The following DHX29 variants were observed in gnomAD, a reference collection of about 807,000 sequenced individuals.
DHX29 encodes ATP-dependent RNA helicase DHX29.
DHX29 carries 79 observed loss-of-function variants against 167.9 expected under a neutral mutation model. The observed-to-expected ratio is 0.47, with a 90% confidence interval of 0.39 to 0.57. The LOEUF (loss-of-function observed/expected upper bound fraction) is 0.57, where lower values mean the gene tolerates loss of function less well. Ranked by LOEUF, DHX29 falls within the 20% of genes least tolerant of loss-of-function variation. DHX29 has a pLI of 0.00. For synonymous variants in DHX29, 530 were observed against 546.0 expected, an observed-to-expected ratio of 0.97 and a Z score of 0.41; for missense variants, 1,347 against 1,593.4, an observed-to-expected ratio of 0.85 and a Z score of 2.63.
At chr5:55,281,606 G>A in intron 11 of DHX29, 91 bp from the exon 12 acceptor site, 2 of 869,132 alleles carry the variant, frequency 2.3e-6, no homozygotes, top group Non-Finnish European at 3.3e-6. Flanking sequence ...TGATCTTGCT[G>A]TTAAATGGAG....
Position 55,307,517 on chromosome 5 carries a change from G to T in DHX29, c.57C>A (p.Ala19=). 1 of 1,613,604 alleles carries T rather than the reference G, an allele frequency of 6.2e-7. No individual in the cohort carries two copies. Among genetic ancestry groups the T allele is most frequent in the East Asian group, 2.2e-5 (1 of 44,872 alleles). ...KAPAAAVVRA[A]VSASRAKSAE... ...CAGATTTGGCTCTGGAAGCAGACAC[G>T]GCGGCCCGGACCACCGCGGCCGCTG... The change falls in exon 1 of 27, where the codon GCC becomes GCA. Residue 19 remains alanine, a synonymous_variant. Coordinates refer to ENST00000251636, the MANE Select transcript of DHX29 (RefSeq NM_019030.4).
chr5:55,268,576 C>T (rs1746696692), intron 21 of DHX29, among the ~76,000 whole-genome samples: 1 of 152,066 alleles, frequency 6.6e-6, no homozygotes, highest in Admixed American at 6.6e-5. Context: ...AGGGGTGCAC[C>T]ACCATGCCCG....
chr5:55,277,308 G>A, intron 12 of DHX29, 26 bp from the exon 13 acceptor site: 1 of 1,502,382 alleles, frequency 6.7e-7, no homozygotes, highest in African/African-American at 1.4e-5. Flanking sequence ...GAATAAAAAA[G>A]TTCATCATAT....
At chr5:55,278,982 T>C (rs187862439) in intron 12 of DHX29, among the ~76,000 whole-genome samples, 1 of 152,318 alleles carries the variant, frequency 6.6e-6, no homozygotes, top group East Asian at 1.9e-4. Context: ...CAGTGATTAA[T>C]GCATTTTAAA....
At position 55,267,245 on chromosome 5, in the gene DHX29, A is replaced by C. The variant is rs748315559; in HGVS notation, c.3432-14T>G. ...GCTTTCTTCCATCTAGATAAATAAA[A>C]TGTCAATTAATGAATAAAGTTCACC... On this transcript the variant is annotated splice_polypyrimidine_tract_variant and intron_variant, in intron 22 of 26. Coordinates refer to ENST00000251636, the MANE Select transcript of DHX29 (RefSeq NM_019030.4). 6.4e-7 allele frequency: 1 copy of C among 1,574,358 alleles called. No individual in the cohort carries two copies. The highest frequency in any genetic ancestry group is 1.7e-5 in the Admixed American group (1 of 59,170).
rs1373916559 is a variant in DHX29, at chr5:55,259,837, C to G, written c.4057+11G>C. Reference sequence around the variant, plus strand: ...GTGTATATGGTCTTTCACTTATAAGCAAACACTTACTTTCAAGGGACATCT... The same window carrying G: ...GTGTATATGGTCTTTCACTTATAAGGAAACACTTACTTTCAAGGGACATCT... On this transcript the variant is annotated intron_variant, in intron 26 of 26. Coordinates refer to ENST00000251636, the MANE Select transcript of DHX29 (RefSeq NM_019030.4). 3 of 1,487,228 alleles carry G rather than the reference C, an allele frequency of 2.0e-6. No individual in the cohort carries two copies. In the South Asian group the frequency reaches 3.4e-5, roughly 17 times the overall value. The allele number at this position is 1,487,228 out of a possible 1,614,324, so 92.1% of individuals were successfully genotyped here. A position where few individuals can be genotyped will look rare whatever the true frequency, so the allele number is the denominator to read the frequency against.
Position 55,270,599 on chromosome 5 carries a change from A to G in DHX29, c.2972T>C (p.Phe991Ser). 6.2e-7 allele frequency: 1 copy of G among 1,614,200 alleles called. No homozygotes were observed. The highest frequency in any genetic ancestry group is 8.5e-7 in the Non-Finnish European group (1 of 1,180,014). ...ATACCTTTCTCTTGTGTACATTCGG[A>G]AACAGAAGCCATCTCTGACCCGCCC... is the stretch of plus-strand genomic sequence containing the variant. Reference protein sequence around the residue: ...RAGRVRDGFCFRMYTRERFEG... With the variant: ...RAGRVRDGFCSRMYTRERFEG... The change falls in exon 19 of 27, where the codon TTC (phenylalanine) becomes TCC (serine). Residue 991 changes from phenylalanine to serine, a missense_variant. Coordinates refer to ENST00000251636, the MANE Select transcript of DHX29 (RefSeq NM_019030.4).
rs1747912738 is a variant in DHX29 at position 55,289,327 on chromosome 5, T to C, written c.1009A>G (p.Ser337Gly). The C allele has an allele frequency of 1.3e-6, 2 of 1,598,062 alleles. No individual in the cohort carries two copies. Among genetic ancestry groups the C allele is most frequent in the Non-Finnish European group, 1.7e-6 (2 of 1,174,984 alleles). The change falls in exon 8 of 27, where the codon AGT becomes GGT. Residue 337 changes from serine to glycine, a missense_variant. Around this residue, in one of 3 missense-constraint regions of DHX29, gnomAD observed 405 missense variants for 416.8 expected, o/e 0.97. Coordinates refer to ENST00000251636, the MANE Select transcript of DHX29 (RefSeq NM_019030.4). ...KKPPVATEGE[S>G]ALNFNLFEKS... ...TCAAATAAATTAAAATTCAATGCAC[T>C]TTCTCCTTCTGTGGCTACAGGAGGC... is the stretch of plus-strand genomic sequence containing the variant.
chr5:55,273,210 T>G, intron 17 of DHX29, 83 bp downstream of exon 17: 5 of 1,392,996 alleles, frequency 3.6e-6, no homozygotes, highest in Middle Eastern at 1.9e-4. Flanking sequence ...TGTTAACAAC[T>G]GTCTTTGATG....
chr5:55,296,604 G>A (rs1748334680), intron 3 of DHX29, among the ~76,000 whole-genome samples: 1 of 151,868 alleles, frequency 6.6e-6, no homozygotes. Context: ...ATTTTTTTCA[G>A]TCATTTTTCC....
chr5:55,287,170 G>C lies in DHX29; in HGVS notation c.1067-1309C>G, dbSNP rs567948518. 1.7e-4 allele frequency among the ~76,000 whole-genome samples: 26 copies of C among 152,302 alleles called. No individual in the cohort carries two copies. The South Asian group carries it at 5.4e-3, about 32-fold the overall frequency. ...AATAAATACTACTGAGGCCAGGCAT[G>C]GTGGGTCACACCGGTAATCCCAACA... On this transcript the variant is annotated intron_variant, in intron 8 of 26. Transcript: ENST00000251636.
At chr5:55,306,353 G>C (rs1010156050) in intron 1 of DHX29, among the ~76,000 whole-genome samples, 6 of 152,018 alleles carry the variant, frequency 3.9e-5, no homozygotes, top group Non-Finnish European at 8.8e-5. Flanking sequence ...ACTAATTTCT[G>C]CCATGCTTCA....
chr5:55,288,629 A>G (rs1318643332), intron 8 of DHX29, among the ~76,000 whole-genome samples: 2 of 152,146 alleles, frequency 1.3e-5, no homozygotes, highest in African/African-American at 4.8e-5. Flanking sequence ...TGTACTTGCT[A>G]TATCAATAAT....
chr5:55,307,689 C>A lies in DHX29; in HGVS notation c.-116G>T, dbSNP rs1018632464. 13 of 1,370,046 alleles carry A rather than the reference C, an allele frequency of 9.5e-6. No individual in the cohort carries two copies. Among genetic ancestry groups the A allele is most frequent in the Admixed American group, 4.5e-5 (2 of 44,446 alleles). 84.9% of individuals were successfully genotyped at this position (1,370,046 alleles called of 1,614,324 possible). On this transcript the variant is annotated 5_prime_UTR_variant, in exon 1 of 27. Transcript: ENST00000251636. ...CTGCCACCCTGCGCTTCGATCCGGG[C>A]TTCTCGGGCCGGGGCGACCGCTGCC...
chr5:55,274,628 T>C lies in DHX29; in HGVS notation c.2676A>G (p.Arg892=). Residue 892 remains arginine, a synonymous_variant, in exon 16 of 27, where the codon AGA becomes AGG. Transcript: ENST00000251636. Reference sequence around the variant, plus strand: ...TGAGTAGTTACCGTTCAGAATAAAATCTTCTATCATTTGATAGAAGATCAT... The same window carrying C: ...TGAGTAGTTACCGTTCAGAATAAAACCTTCTATCATTTGATAGAAGATCAT... The part of the protein sequence containing the change: ...QLYDLLSNDR[R]FYSERYKVIA... 1 of 1,594,632 alleles carries C rather than the reference T, an allele frequency of 6.3e-7. No homozygotes were observed. The highest frequency in any genetic ancestry group is 1.4e-5 in the African/African-American group (1 of 73,886).
rs1002037974 is a variant in DHX29, at chr5:55,307,133, T to G, written c.187+254A>C. On this transcript the variant is annotated intron_variant, in intron 1 of 26. Transcript: ENST00000251636. The stretch of plus-strand genomic sequence containing the variant: ...ACAGGAGCTAATGCAATTATTTTGT[T>G]TTTAGAAGGGGGAGAAGTGTGAGTT... Among the ~76,000 whole-genome samples, 3 of 152,166 alleles carry G rather than the reference T, an allele frequency of 2.0e-5. No homozygotes were observed. The East Asian group carries it at 5.8e-4, about 29-fold the overall frequency.
intron 18 of DHX29, among the ~76,000 whole-genome samples, 197 bp downstream of exon 18, chr5:55,271,890 A>G (rs552786130): frequency 1.3e-5 from 2 of 152,292 alleles, no homozygotes; most frequent in South Asian, 4.1e-4. Flanking sequence ...ACTTATGGGA[A>G]AACCCATGAA....
intron 12 of DHX29, among the ~76,000 whole-genome samples, chr5:55,278,908 G>A (rs575921181): frequency 4.3e-4 from 65 of 152,300 alleles, no homozygotes; most frequent in African/African-American, 1.5e-3. Context: ...TCAATAAACT[G>A]CCCTGTAAGG....
Position 55,285,406 on chromosome 5 carries a change from T to C in DHX29, c.1243A>G (p.Ile415Val), listed in dbSNP as rs1222020617. The C allele has an allele frequency of 1.2e-6, 2 of 1,612,940 alleles. No homozygotes were observed. Among genetic ancestry groups the C allele is most frequent in the Admixed American group, 1.7e-5 (1 of 59,946 alleles). ...GRYWKCRVRVIKSEDDVLVVC... is the reference protein window; with the variant it reads ...GRYWKCRVRVVKSEDDVLVVC... Reference sequence around the variant, plus strand: ...ACCAGGACATCATCTTCAGACTTGATTACCCTAACCCTACAAAGAAGCAAA... The same window carrying C: ...ACCAGGACATCATCTTCAGACTTGACTACCCTAACCCTACAAAGAAGCAAA... The change falls in exon 10 of 27, where the codon ATC becomes GTC. Residue 415 changes from isoleucine (I) to valine (V), a missense_variant. Around this residue, in one of 3 missense-constraint regions of DHX29, gnomAD observed 60 missense variants for 94.2 expected, o/e 0.64. Transcript: ENST00000251636.
Sources: allele counts gnomAD v4.1 joint callset (sites outside exome capture counted in the v4.1 genomes callset), GRCh38; gene constraint gnomAD v4.1.1; regional missense constraint gnomAD v4.1.1; transcripts MANE v1.5; gene names NCBI Gene and HGNC (gene_info 2026-07-23, HGNC 2026-07-21).